Variants in UACA observed in about 807,000 individuals in gnomAD.
The protein encoded by UACA is nuclear membrane binding protein.
UACA carries 112 observed loss-of-function variants against 160.5 expected under a neutral mutation model. That is an observed-to-expected ratio of 0.70 (90% CI 0.60 to 0.82). UACA has a LOEUF of 0.82. Among genes scored for constraint, UACA ranks in the 40% least tolerant of loss-of-function variants. UACA has a pLI of 0.00. For missense variants in UACA, 1,574 were observed against 1,614.6 expected (o/e 0.97, Z 0.43); for synonymous variants, 557 against 568.4 (o/e 0.98, Z 0.29).
At chr15:70,729,280 C>T (rs146624867) in intron 1 of UACA, among the ~76,000 whole-genome samples, 17 of 152,090 alleles carry the variant, frequency 1.1e-4, no homozygotes, top group African/African-American at 3.9e-4. Context: ...AACATGGAAG[C>T]AACTTAGGTC....
the UACA span, among the ~76,000 whole-genome samples, chr15:70,772,532 G>A: frequency 6.6e-6 from 1 of 150,738 alleles, no homozygotes; most frequent in East Asian, 2.0e-4. Flanking sequence ...CTAGGTAGAT[G>A]GTGCTGCTTA....
chr15:70,701,545 A>G (rs1391881897), intron 1 of UACA, among the ~76,000 whole-genome samples: 1 of 152,232 alleles, frequency 6.6e-6, no homozygotes, highest in Non-Finnish European at 1.5e-5. Flanking sequence ...AAATCCAAAA[A>G]TAAGGCTTTC....
intron 9 of UACA, among the ~76,000 whole-genome samples, chr15:70,681,370 T>C (rs886446321): frequency 3.3e-5 from 5 of 151,292 alleles, no homozygotes; most frequent in African/African-American, 1.2e-4. Context: ...TGCCTTAGTA[T>C]TAAAAAAAAA....
At chr15:70,759,195 A>G (rs1346811670) in intron 1 of UACA, among the ~76,000 whole-genome samples, 1 of 152,222 alleles carries the variant, frequency 6.6e-6, no homozygotes, top group Non-Finnish European at 1.5e-5. Context: ...CTGGAATTAC[A>G]GTCCCTTAAT....
upstream of UACA, chr15:70,763,648 T>G: frequency 1.6e-6 from 1 of 629,002 alleles, no homozygotes; most frequent in Non-Finnish European, 2.3e-6. Context: ...AATGCGGGAA[T>G]GGGGCGGGAC....
At chr15:70,765,379 T>C (rs1339828642), upstream of UACA, among the ~76,000 whole-genome samples, 3 of 152,214 alleles carry the variant, frequency 2.0e-5, no homozygotes, top group African/African-American at 7.2e-5. Context: ...TTCTCTTTTA[T>C]GTGTGTGTTA....
At chr15:70,745,277 T>G (rs1029116893) in intron 1 of UACA, among the ~76,000 whole-genome samples, 4 of 150,842 alleles carry the variant, frequency 2.7e-5, no homozygotes, top group African/African-American at 9.8e-5. Context: ...TAAAAAAAAA[T>G]ACAAAAAATT....
intron 3 of UACA, among the ~76,000 whole-genome samples, chr15:70,694,424 T>C (rs1167236387): frequency 1.3e-5 from 2 of 152,098 alleles, no homozygotes; most frequent in Non-Finnish European, 2.9e-5. Flanking sequence ...TAAATATAGC[T>C]AGGCACAGAA....
intron 2 of UACA, among the ~76,000 whole-genome samples, chr15:70,697,862 C>G (rs1409915669): frequency 6.6e-6 from 1 of 152,024 alleles, no homozygotes; most frequent in Non-Finnish European, 1.5e-5. Context: ...ACCAGCCTGA[C>G]CAACATGAAG....
chr15:70,682,820 C>T (rs1439705298), intron 8 of UACA, 25 bp from the exon 9 acceptor site: 2 of 1,542,308 alleles, frequency 1.3e-6, no homozygotes, highest in Non-Finnish European at 1.7e-6. Flanking sequence ...AAAAGAGAAA[C>T]AACAAAATGG....
intron 1 of UACA, among the ~76,000 whole-genome samples, chr15:70,731,071 G>T (rs1192761526): frequency 2.0e-4 from 6 of 29,454 alleles, no homozygotes; most frequent in Non-Finnish European, 2.3e-4. Flanking sequence ...AGACTAGGAA[G>T]AAACTGCATC....
At chr15:70,674,663 AT>A (rs1897252235) in intron 13 of UACA, among the ~76,000 whole-genome samples, 2 of 151,888 alleles carry the variant, frequency 1.3e-5, no homozygotes, top group Admixed American at 1.3e-4. Flanking sequence ...CAGTGGCGTG[AT>A]CTCACTCATT....
At chr15:70,776,298 GTATT>G in the UACA span, among the ~76,000 whole-genome samples, 1 of 152,238 alleles carries the variant, frequency 6.6e-6, no homozygotes, top group Admixed American at 6.5e-5. Context: ...TATTTGCTGA[GTATT>G]TACTTACTAA....
intron 1 of UACA, among the ~76,000 whole-genome samples, chr15:70,701,417 A>G (rs960556733): frequency 6.6e-6 from 1 of 152,238 alleles, no homozygotes; most frequent in Non-Finnish European, 1.5e-5. Flanking sequence ...TGTTTAACAC[A>G]CAAATGCTTG....
chr15:70,739,251 C>T (rs984462212), intron 1 of UACA, among the ~76,000 whole-genome samples: 1 of 152,156 alleles, frequency 6.6e-6, no homozygotes, highest in African/African-American at 2.4e-5. Context: ...GTTTCTCAAT[C>T]TTGGCACTAC....
At chr15:70,736,048 T>C (rs1441855771) in intron 1 of UACA, among the ~76,000 whole-genome samples, 3 of 152,252 alleles carry the variant, frequency 2.0e-5, no homozygotes, top group Admixed American at 2.0e-4. Context: ...CAAGTACTTT[T>C]AATTGATTTT....
intron 1 of UACA, among the ~76,000 whole-genome samples, chr15:70,706,514 T>C (rs1237871474): frequency 7.2e-6 from 1 of 139,770 alleles, no homozygotes; most frequent in Non-Finnish European, 1.5e-5. Context: ...AATGATCTTA[T>C]TTGTTAAAAA....
chr15:70,724,124 T>C (rs999794266), intron 1 of UACA, among the ~76,000 whole-genome samples: 1 of 152,226 alleles, frequency 6.6e-6, no homozygotes, highest in Non-Finnish European at 1.5e-5. Context: ...AAGGAGTACA[T>C]GTTCGAGCTT....
At chr15:70,674,262 T>C (rs1261018930) in intron 13 of UACA, among the ~76,000 whole-genome samples, 2 of 152,122 alleles carry the variant, frequency 1.3e-5, no homozygotes, top group African/African-American at 4.8e-5. Flanking sequence ...ATATCTAGCA[T>C]AAAATTTCAT....
Sources: allele counts gnomAD v4.1 joint callset (sites outside exome capture counted in the v4.1 genomes callset), GRCh38; gene constraint gnomAD v4.1.1; transcripts MANE v1.5; gene names NCBI Gene and HGNC (gene_info 2026-07-23, HGNC 2026-07-21).